The following ENOX1 variants were observed in gnomAD, a reference collection of about 807,000 sequenced individuals.
ENOX1 encodes ecto-NOX disulfide-thiol exchanger 1.
ENOX1 carries 42 observed loss-of-function variants against 82.5 expected under a neutral mutation model. The ratio of observed to expected loss-of-function variants is 0.51; its 90% CI spans 0.40 to 0.66. The LOEUF is 0.66. Ranked by LOEUF, ENOX1 falls within the 30% of genes least tolerant of loss-of-function variation. The pLI, the probability that ENOX1 is intolerant of heterozygous loss-of-function variation, is 0.00. For missense variants in ENOX1, 608 were observed against 811.6 expected, an observed-to-expected ratio of 0.75 and a Z score of 3.05; for synonymous variants, 271 against 282.2, an observed-to-expected ratio of 0.96 and a Z score of 0.40.
chr13:43,616,103 G>GATAGATATCTATATATATAGATATCTAT (rs1555341677), intron 2 of ENOX1, among the ~76,000 whole-genome samples: 3 of 7,914 alleles, frequency 3.8e-4, no homozygotes, highest in African/African-American at 7.3e-4. Context: ...TATCTATATA[G>GATAGATATCTATATATATAGATATCTAT]ATAGATATCT....
At chr13:43,380,262 GA>G (rs921748407) in intron 5 of ENOX1, among the ~76,000 whole-genome samples, 3 of 151,686 alleles carry the variant, frequency 2.0e-5, no homozygotes, top group East Asian at 1.9e-4. Flanking sequence ...TGGTTGAATA[GA>G]AAAAAAAAAT....
chr13:43,409,726 A>G (rs1195139940), intron 5 of ENOX1, among the ~76,000 whole-genome samples: 2 of 152,234 alleles, frequency 1.3e-5, no homozygotes, highest in African/African-American at 4.8e-5. Flanking sequence ...AAAGAATACA[A>G]TGGAAAAATA....
At chr13:43,682,473 C>G (rs2085840325) in intron 1 of ENOX1, among the ~76,000 whole-genome samples, 1 of 152,184 alleles carries the variant, frequency 6.6e-6, no homozygotes, top group African/African-American at 2.4e-5. Context: ...TATACTACTA[C>G]TACTATGTGT....
chr13:43,653,847 C>G (rs1036579970), intron 2 of ENOX1, among the ~76,000 whole-genome samples: 2 of 151,998 alleles, frequency 1.3e-5, no homozygotes, highest in Admixed American at 6.6e-5. Flanking sequence ...GCTTTTCAAA[C>G]AAATTATCTA....
At chr13:43,243,135 CAAAAA>C (rs748084568) in intron 14 of ENOX1, among the ~76,000 whole-genome samples, 1,119 of 81,556 alleles carry the variant, frequency 0.014, 19 homozygotes, top group African/African-American at 0.048. Context: ...GACTCTGTCT[CAAAAA>C]AAAAAAAAAA....
At chr13:43,323,365 A>G (rs2047923295) in intron 10 of ENOX1, among the ~76,000 whole-genome samples, 1 of 152,206 alleles carries the variant, frequency 6.6e-6, no homozygotes, top group African/African-American at 2.4e-5. Context: ...GAGTGACTAC[A>G]ATCAAGTTAT....
At chr13:43,623,329 T>G (rs1330835721) in intron 2 of ENOX1, among the ~76,000 whole-genome samples, 2 of 152,172 alleles carry the variant, frequency 1.3e-5, no homozygotes. Flanking sequence ...TCCTTCTCCC[T>G]GTGTGGTTTT....
chr13:43,391,501 G>A (rs1282700543), intron 5 of ENOX1, among the ~76,000 whole-genome samples: 8 of 152,128 alleles, frequency 5.3e-5, no homozygotes, highest in Admixed American at 6.5e-5. Flanking sequence ...GCTCCAACCC[G>A]GGAAGTACCA....
At chr13:43,332,930 C>T (rs2048490622) in intron 9 of ENOX1, among the ~76,000 whole-genome samples, 1 of 152,040 alleles carries the variant, frequency 6.6e-6, no homozygotes, top group East Asian at 1.9e-4. Context: ...TAAAGGTAAC[C>T]AGTAACCACT....
chr13:43,554,478 G>A (rs2079347362), intron 2 of ENOX1, among the ~76,000 whole-genome samples: 1 of 152,126 alleles, frequency 6.6e-6, no homozygotes, highest in Admixed American at 6.5e-5. Flanking sequence ...TAATTGTTTT[G>A]TATCTCCAGT....
chr13:43,486,449 T>C (rs973867002), intron 2 of ENOX1, among the ~76,000 whole-genome samples: 37 of 152,170 alleles, frequency 2.4e-4, no homozygotes, highest in Non-Finnish European at 5.0e-4. Flanking sequence ...ATTAAATGCC[T>C]AAACTAGTAG....
chr13:43,743,703 T>C (rs898644787), intron 1 of ENOX1, among the ~76,000 whole-genome samples: 1 of 152,220 alleles, frequency 6.6e-6, no homozygotes, highest in African/African-American at 2.4e-5. Flanking sequence ...CGAAGATCTC[T>C]CTTTCTGCGT....
intron 1 of ENOX1, among the ~76,000 whole-genome samples, chr13:43,687,357 A>G (rs925382803): frequency 2.0e-5 from 3 of 152,118 alleles, no homozygotes; most frequent in Non-Finnish European, 4.4e-5. Flanking sequence ...GGACGGGGGA[A>G]TGGATCATGT....
At chr13:43,575,204 G>T (rs544324723) in intron 2 of ENOX1, among the ~76,000 whole-genome samples, 3 of 152,228 alleles carry the variant, frequency 2.0e-5, no homozygotes. Flanking sequence ...AGAACGCAGG[G>T]GACTGCACAG....
chr13:43,214,254 TTATAGAAGGAAC>T (rs2041343526), intron 16 of ENOX1, 133 bp from the exon 17 acceptor site: 24 of 870,284 alleles, frequency 2.8e-5, no homozygotes, highest in Middle Eastern at 2.4e-4. Flanking sequence ...GGGGATGTCC[TTATAGAAGGAAC>T]ATTCAGAAGT....
chr13:43,435,625 A>G (rs1372830581), intron 3 of ENOX1, among the ~76,000 whole-genome samples: 1 of 152,204 alleles, frequency 6.6e-6, no homozygotes, highest in East Asian at 1.9e-4. Flanking sequence ...TTTCATTTCT[A>G]TTTTAAAAAC....
At chr13:43,310,172 C>G (rs1439427676) in intron 11 of ENOX1, among the ~76,000 whole-genome samples, 1 of 138,406 alleles carries the variant, frequency 7.2e-6, no homozygotes, top group African/African-American at 2.8e-5. Flanking sequence ...GCACTCTACC[C>G]TGGTGACAGA....
rs186419299 is a variant in ENOX1, at chr13:43,625,031, T to C, written c.-219+42448A>G. Among the ~76,000 whole-genome samples the C allele has an allele frequency of 2.4e-3, 364 of 152,216 alleles. 2 individuals are homozygous for C. The highest frequency in any genetic ancestry group is 6.8e-3 in the Middle Eastern group (2 of 294). ...TGGTATGTCTCTTTGTTTACTTAAA[T>C]CCTTTTTATTTCTTTCATCAGTATT... On this transcript the variant is annotated intron_variant, in intron 2 of 16. Transcript: ENST00000690772.
intron 7 of ENOX1, among the ~76,000 whole-genome samples, chr13:43,357,037 A>T (rs1479325511): frequency 2.0e-5 from 3 of 152,164 alleles, no homozygotes; most frequent in African/African-American, 7.2e-5. Flanking sequence ...ACACTAACAG[A>T]ACTGAAACCA....
Sources: allele counts gnomAD v4.1 joint callset (sites outside exome capture counted in the v4.1 genomes callset), GRCh38; gene constraint gnomAD v4.1.1; transcripts MANE v1.5; gene names NCBI Gene and HGNC (gene_info 2026-07-23, HGNC 2026-07-21).